MBD5: variants seen among roughly 807,000 people sequenced by gnomAD.
MBD5 encodes methyl-CpG-binding domain protein 5.
A neutral mutation model predicts 117.3 loss-of-function variants in MBD5; 13 were observed. The ratio of observed to expected loss-of-function variants is 0.11; its 90% CI spans 0.07 to 0.18. The LOEUF (loss-of-function observed/expected upper bound fraction) is 0.18. Ranked by LOEUF, MBD5 falls within the 10% of genes least tolerant of loss-of-function variation. MBD5 has a pLI of 1.00. For synonymous variants in MBD5, 727 were observed against 766.4 expected, an observed-to-expected ratio of 0.95 and a Z score of 0.85; for missense variants, 1,879 against 2,093.8, an observed-to-expected ratio of 0.90 and a Z score of 2.00.
chr2:148,394,394 C>A (rs1486293613), intron 4 of MBD5, among the ~76,000 whole-genome samples: 1 of 151,954 alleles, frequency 6.6e-6, no homozygotes, highest in African/African-American at 2.4e-5. Flanking sequence ...TATGTTATAA[C>A]AATTTTGATA....
At chr2:148,502,290 T>C in intron 11 of MBD5, 146 bp from the exon 12 acceptor site, 1 of 731,328 alleles carries the variant, frequency 1.4e-6, no homozygotes, top group Non-Finnish European at 2.5e-6. Flanking sequence ...AATGATTGAG[T>C]GAGGACAGAA....
At chr2:148,385,029 A>T (rs1370947939) in intron 4 of MBD5, among the ~76,000 whole-genome samples, 1 of 152,228 alleles carries the variant, frequency 6.6e-6, no homozygotes, top group Admixed American at 6.5e-5. Flanking sequence ...AACCTAGGCA[A>T]TACCATTCAG....
chr2:148,035,275 AC>A (rs1694158662), intron 1 of MBD5, among the ~76,000 whole-genome samples: 1 of 152,210 alleles, frequency 6.6e-6, no homozygotes, highest in South Asian at 2.1e-4. Context: ...AGCAGGGTGC[AC>A]TATTAGTAAT....
At position 148,410,584 on chromosome 2, in the gene MBD5, C is replaced by A. The variant is rs181228511; in HGVS notation, c.-556-47619C>A. ...TGGCTAGGACTACAGGCGTGCACCA[C>A]CACACCTAGCTAACTTTGGTATTTT... On this transcript the variant is annotated intron_variant, in intron 4 of 13. Transcript: ENST00000642680. 3.3e-5 allele frequency among the ~76,000 whole-genome samples: 5 copies of A among 152,260 alleles called. No homozygotes were observed. The South Asian group carries it at 8.3e-4, about 25-fold the overall frequency.
At chr2:148,048,219 C>T (rs760175296) in intron 1 of MBD5, among the ~76,000 whole-genome samples, 2 of 152,152 alleles carry the variant, frequency 1.3e-5, no homozygotes, top group South Asian at 4.1e-4. Flanking sequence ...ATAATGCATA[C>T]AAAGTTGTTG....
At chr2:148,263,937 C>T (rs1463352470) in intron 3 of MBD5, among the ~76,000 whole-genome samples, 1 of 152,070 alleles carries the variant, frequency 6.6e-6, no homozygotes, top group Admixed American at 6.6e-5. Context: ...TAGCAGTACT[C>T]CAGCAACCTA....
At chr2:148,491,220 G>C (rs573128963) in intron 11 of MBD5, among the ~76,000 whole-genome samples, 39 of 151,352 alleles carry the variant, frequency 2.6e-4, no homozygotes, top group Non-Finnish European at 4.4e-4. Context: ...AACACAATTA[G>C]ATCACATAAA....
At chr2:148,363,519 C>T (rs1259249429) in intron 4 of MBD5, among the ~76,000 whole-genome samples, 3 of 152,166 alleles carry the variant, frequency 2.0e-5, no homozygotes, top group Non-Finnish European at 4.4e-5. Flanking sequence ...AGGCATGAGC[C>T]ACCACACGCA....
At chr2:148,180,343 C>CATACATATATATATATAT (rs1553481823) in intron 2 of MBD5, among the ~76,000 whole-genome samples, 2 of 105,544 alleles carry the variant, frequency 1.9e-5, no homozygotes, top group Non-Finnish European at 3.7e-5. Context: ...AAAAATTATA[C>CATACATATATATATATAT]ATATATATAT....
chr2:148,260,086 T>C (rs1012538859), intron 3 of MBD5, among the ~76,000 whole-genome samples: 1 of 152,148 alleles, frequency 6.6e-6, no homozygotes, highest in African/African-American at 2.4e-5. Context: ...GACAATGAAG[T>C]TTGCCACATT....
At chr2:148,299,129 ACTTT>A (rs1481723767) in intron 3 of MBD5, among the ~76,000 whole-genome samples, 1 of 148,606 alleles carries the variant, frequency 6.7e-6, no homozygotes, top group Non-Finnish European at 1.5e-5. Context: ...TGTTTAAAGA[ACTTT>A]CTTTTTTTTT....
At chr2:148,281,034 C>G (rs546622607) in intron 3 of MBD5, among the ~76,000 whole-genome samples, 23 of 152,246 alleles carry the variant, frequency 1.5e-4, no homozygotes, top group African/African-American at 5.1e-4. Context: ...TGTCCTTGCT[C>G]TGTGGTGGAT....
chr2:148,471,420 A>G (rs1680792440), intron 8 of MBD5: 1 of 152,158 alleles, frequency 6.6e-6, no homozygotes. Flanking sequence ...ACAAGGAGGA[A>G]ATAAAAGATG....
intron 3 of MBD5, among the ~76,000 whole-genome samples, chr2:148,267,952 CTTTT>C (rs764230358): frequency 7.9e-6 from 1 of 127,280 alleles, no homozygotes; most frequent in Non-Finnish European, 1.7e-5. Flanking sequence ...TCTTTTTTTT[CTTTT>C]TTTTTTTTTT....
intron 1 of MBD5, among the ~76,000 whole-genome samples, chr2:148,042,123 C>G (rs1694376667): frequency 6.6e-6 from 1 of 152,168 alleles, no homozygotes; most frequent in African/African-American, 2.4e-5. Context: ...CTCTGCTGAG[C>G]ACTTTAGTTG....
chr2:148,379,443 A>G (rs1202961788), intron 4 of MBD5, among the ~76,000 whole-genome samples: 4 of 152,138 alleles, frequency 2.6e-5, no homozygotes, highest in Non-Finnish European at 4.4e-5. Context: ...TGAAAAAAAG[A>G]TAATCAAAAA....
intron 3 of MBD5, among the ~76,000 whole-genome samples, chr2:148,252,872 A>C (rs1214093183): frequency 1.3e-5 from 2 of 152,200 alleles, no homozygotes; most frequent in Non-Finnish European, 2.9e-5. Flanking sequence ...TAAATTTAAC[A>C]AATATCTAGC....
rs1158388721 is a variant in MBD5, at chr2:148,464,807, A to AAG, written c.397+889_397+890insGA. Reference sequence around the variant, plus strand: ...GACCTGTCTCTAAAATAATTTAAAAAAAAAAAAAAAACTAGCCAGGCATGG... The same window carrying AAG: ...GACCTGTCTCTAAAATAATTTAAAAAAGAAAAAAAAAAACTAGCCAGGCATGG... On this transcript the variant is annotated intron_variant, in intron 7 of 13. Coordinates refer to ENST00000642680, the MANE Select transcript of MBD5 (RefSeq NM_001378120.1). Among the ~76,000 whole-genome samples, 3 of 150,818 alleles carry AAG rather than the reference A, an allele frequency of 2.0e-5. No individual in the cohort carries two copies. In the East Asian group the frequency reaches 5.8e-4, roughly 29 times the overall value.
At chr2:148,448,106 C>T (rs190152328) in intron 4 of MBD5, among the ~76,000 whole-genome samples, 3 of 152,174 alleles carry the variant, frequency 2.0e-5, no homozygotes, top group Admixed American at 6.6e-5. Context: ...AATGGAGTCT[C>T]CTTGAGATAC....
Sources: allele counts gnomAD v4.1 joint callset (sites outside exome capture counted in the v4.1 genomes callset), GRCh38; gene constraint gnomAD v4.1.1; transcripts MANE v1.5; gene names NCBI Gene and HGNC (gene_info 2026-07-23, HGNC 2026-07-21).